CSMD1: variants seen among roughly 807,000 people sequenced by gnomAD.
The protein encoded by CSMD1 is CUB and sushi domain-containing protein 1.
A neutral mutation model predicts 417.5 loss-of-function variants in CSMD1; 213 were observed. The ratio of observed to expected loss-of-function variants is 0.51; its 90% CI spans 0.46 to 0.57. CSMD1 has a LOEUF of 0.57. CSMD1 is among the 20% of genes least tolerant of loss of function. The pLI is 0.00. For synonymous variants in CSMD1, 2,862 were observed against 1,736.8 expected, an observed-to-expected ratio of 1.65 and a Z score of -16.11; for missense variants, 6,923 against 4,529.7, an observed-to-expected ratio of 1.53 and a Z score of -15.17.
At chr8:4,435,056 G>C (rs1420401350) in intron 2 of CSMD1, among the ~76,000 whole-genome samples, 2 of 152,054 alleles carry the variant, frequency 1.3e-5, no homozygotes, top group East Asian at 1.9e-4. Flanking sequence ...AATATAGTTT[G>C]TGTGTAATAT....
chr8:4,393,845 G>A (rs181581302), intron 3 of CSMD1, among the ~76,000 whole-genome samples: 173 of 152,218 alleles, frequency 1.1e-3, no homozygotes, highest in African/African-American at 3.9e-3. Context: ...CAAAGTTCTA[G>A]GAATGTACAC....
intron 4 of CSMD1, among the ~76,000 whole-genome samples, chr8:4,002,219 G>C (rs918346052): frequency 7.0e-6 from 1 of 142,852 alleles, no homozygotes; most frequent in Admixed American, 6.9e-5. Context: ...GTGTGTGTGA[G>C]TGTGTGTGCA....
intron 41 of CSMD1, among the ~76,000 whole-genome samples, chr8:3,125,769 G>C (rs1271462570): frequency 6.6e-6 from 1 of 152,218 alleles, no homozygotes; most frequent in Non-Finnish European, 1.5e-5. Context: ...CTGAGATCAG[G>C]AGTTTGAAAC....
rs575825924 is a variant in CSMD1 at position 3,748,150 on chromosome 8, G to C, written c.931+5780C>G. Among the ~76,000 whole-genome samples the C allele has an allele frequency of 1.2e-4, 18 of 152,266 alleles. No homozygotes were observed. In the South Asian group the frequency reaches 3.1e-3, roughly 26 times the overall value. On this transcript the variant is annotated intron_variant, in intron 6 of 69. Coordinates refer to ENST00000635120, the MANE Select transcript of CSMD1 (RefSeq NM_033225.6). ...CCAAAATCTTAAAACTTGTGCCATT[G>C]AGACTTTACAAGAATCTTTTGTTCT...
At chr8:3,385,968 G>C (rs1359141345) in intron 18 of CSMD1, among the ~76,000 whole-genome samples, 7 of 152,064 alleles carry the variant, frequency 4.6e-5, no homozygotes, top group African/African-American at 1.2e-4. Flanking sequence ...AAATAGAAGA[G>C]GAATTAAGAA....
intron 46 of CSMD1, among the ~76,000 whole-genome samples, chr8:3,102,178 G>A (rs941397733): frequency 6.6e-6 from 1 of 152,064 alleles, no homozygotes; most frequent in Admixed American, 6.5e-5. Context: ...TTGGGAGATG[G>A]GCCCCCACTT....
chr8:4,244,895 T>A lies in CSMD1; in HGVS notation c.415+175058A>T, dbSNP rs76397093. Among the ~76,000 whole-genome samples, 504 of 152,288 alleles carry A rather than the reference T, an allele frequency of 3.3e-3. 3 individuals are homozygous for A. Among genetic ancestry groups the A allele is most frequent in the African/African-American group, 0.011 (475 of 41,578 alleles). The stretch of plus-strand genomic sequence containing the variant: ...GATATTAAACTCCTGATAGATATAA[T>A]GGAGATAACAACATTTAAATCTTCC... On this transcript the variant is annotated intron_variant, in intron 3 of 69. Coordinates refer to ENST00000635120, the MANE Select transcript of CSMD1 (RefSeq NM_033225.6).
intron 3 of CSMD1, among the ~76,000 whole-genome samples, chr8:4,324,140 C>G (rs73660745): frequency 8.5e-5 from 13 of 152,134 alleles, no homozygotes; most frequent in African/African-American, 2.7e-4. Context: ...TGCTGCTGTG[C>G]AATTATCAAT....
intron 12 of CSMD1, among the ~76,000 whole-genome samples, chr8:3,428,091 T>A (rs1813972378): frequency 6.6e-6 from 1 of 152,228 alleles, no homozygotes. Flanking sequence ...AAATAGCTAT[T>A]ATTCTTACAG....
At chr8:3,825,930 G>A (rs1401035933) in intron 5 of CSMD1, among the ~76,000 whole-genome samples, 2 of 152,208 alleles carry the variant, frequency 1.3e-5, no homozygotes, top group Non-Finnish European at 2.9e-5. Context: ...AATTCATTTT[G>A]ATAAATTCCA....
chr8:4,084,473 A>C (rs1800314523), intron 3 of CSMD1, among the ~76,000 whole-genome samples: 1 of 152,228 alleles, frequency 6.6e-6, no homozygotes, highest in African/African-American at 2.4e-5. Flanking sequence ...TAAATCATTT[A>C]AAACATCTTT....
At chr8:3,304,711 AAT>A (rs1325829373) in intron 25 of CSMD1, among the ~76,000 whole-genome samples, 4 of 107,440 alleles carry the variant, frequency 3.7e-5, no homozygotes, top group African/African-American at 7.1e-5. Context: ...TTTTTATTCA[AAT>A]ATTTTTTTAT....
chr8:3,975,832 T>C (rs934667341), intron 5 of CSMD1, among the ~76,000 whole-genome samples: 1 of 152,232 alleles, frequency 6.6e-6, no homozygotes, highest in Non-Finnish European at 1.5e-5. Context: ...ACATTCTTCA[T>C]ATAAAATTTT....
intron 1 of CSMD1, among the ~76,000 whole-genome samples, chr8:4,808,933 T>G (rs1470469810): frequency 6.6e-6 from 1 of 152,222 alleles, no homozygotes; most frequent in Non-Finnish European, 1.5e-5. Context: ...GGGTCAGAGA[T>G]AGAAATCATT....
intron 4 of CSMD1, among the ~76,000 whole-genome samples, chr8:3,998,316 T>G (rs2059582): frequency 3.9e-5 from 6 of 151,996 alleles, no homozygotes; most frequent in Non-Finnish European, 7.4e-5. Flanking sequence ...ATCTTATTAA[T>G]TGAATGGCCA....
At chr8:3,223,345 G>A (rs1040938440) in intron 28 of CSMD1, among the ~76,000 whole-genome samples, 27 of 152,210 alleles carry the variant, frequency 1.8e-4, no homozygotes, top group Middle Eastern at 3.4e-3. Flanking sequence ...CCTCAGGAAC[G>A]TCAGGATGTG....
At chr8:4,453,855 T>G (rs1189209333) in intron 2 of CSMD1, among the ~76,000 whole-genome samples, 2 of 118,946 alleles carry the variant, frequency 1.7e-5, no homozygotes, top group Non-Finnish European at 3.3e-5. Context: ...AGAGTCTCAC[T>G]CTGTCACCCA....
chr8:3,431,111 T>A (rs531269418), intron 12 of CSMD1, among the ~76,000 whole-genome samples: 1 of 152,230 alleles, frequency 6.6e-6, no homozygotes, highest in East Asian at 1.9e-4. Flanking sequence ...AAGGAGCCCA[T>A]GAGAAAATGA....
At chr8:3,278,165 A>G (rs1047719882) in intron 26 of CSMD1, among the ~76,000 whole-genome samples, 4 of 152,208 alleles carry the variant, frequency 2.6e-5, no homozygotes, top group African/African-American at 9.7e-5. Flanking sequence ...GAATAATAAG[A>G]TGAAAAACAA....
Sources: gnomAD v4.1 joint callset for allele counts (sites outside exome capture counted in the v4.1 genomes callset) on GRCh38, gnomAD v4.1.1 for gene constraint, MANE v1.5 for transcripts, NCBI Gene and HGNC (gene_info 2026-07-23, HGNC 2026-07-21) for gene names.